INPP5D: variants seen among roughly 807,000 people sequenced by gnomAD.
The protein encoded by INPP5D is inositol polyphosphate-5-phosphatase D.
A neutral mutation model predicts 122.9 loss-of-function variants in INPP5D; 33 were observed. The ratio of observed to expected loss-of-function variants is 0.27; its 90% CI spans 0.20 to 0.36. The LOEUF is 0.36. Among genes scored for constraint, INPP5D ranks in the 10% least tolerant of loss-of-function variants. The pLI is 1.00. For missense variants in INPP5D, 1,053 were observed against 1,412.7 expected (o/e 0.75, Z 4.08); for synonymous variants, 584 against 576.2 (o/e 1.01, Z -0.19).
At chr2:233,093,903 G>A (rs1004648672) in intron 2 of INPP5D, among the ~76,000 whole-genome samples, 3 of 152,090 alleles carry the variant, frequency 2.0e-5, no homozygotes, top group South Asian at 2.1e-4. Flanking sequence ...AGAAGAACAC[G>A]CTATGCATGC....
chr2:233,197,278 T>C lies in INPP5D; in HGVS notation c.2694-817T>C, dbSNP rs1428877633. On this transcript the variant is annotated intron_variant, in intron 24 of 26. Transcript: ENST00000445964. This position sits in a 1 kb window ranked among gnomAD's most constrained non-coding sequence, Gnocchi z 4.4. ...GCCTGGGTCTGGGCCATCCCCTCCATAGCTTTAAGCTGATTGCCCCCAATT... is the reference window on the plus strand; with the variant it reads ...GCCTGGGTCTGGGCCATCCCCTCCACAGCTTTAAGCTGATTGCCCCCAATT... 6.6e-6 allele frequency among the ~76,000 whole-genome samples: 1 copy of C among 152,212 alleles called. No homozygotes were observed. The highest frequency in any genetic ancestry group is 1.5e-5 in the Non-Finnish European group (1 of 68,040).
intron 11 of INPP5D, among the ~76,000 whole-genome samples, chr2:233,162,847 T>C (rs923997097): frequency 2.6e-4 from 39 of 152,130 alleles, no homozygotes; most frequent in Non-Finnish European, 1.5e-5. Flanking sequence ...TTCGGTCCCT[T>C]TCAGTGTTTC....
chr2:233,105,269 C>G lies in INPP5D; in HGVS notation c.199-16838C>G, dbSNP rs139755896. On this transcript the variant is annotated intron_variant, in intron 2 of 26. Transcript: ENST00000445964. The surrounding 1 kb of genome is among the most constrained non-coding windows in gnomAD (Gnocchi z 4.0). Reference sequence around the variant, plus strand: ...CAGCAGCTGCGCTCTCTGTAAGAACCTGGCTATGGTTGGAAACCGTCATTT... The same window carrying G: ...CAGCAGCTGCGCTCTCTGTAAGAACGTGGCTATGGTTGGAAACCGTCATTT... Among the ~76,000 whole-genome samples the G allele has an allele frequency of 6.7e-4, 102 of 152,342 alleles. 1 individual carries two copies. Among genetic ancestry groups the G allele is most frequent in the African/African-American group, 2.2e-3 (92 of 41,590 alleles).
chr2:233,114,908 C>T (rs1692742815), intron 2 of INPP5D, among the ~76,000 whole-genome samples: 2 of 151,874 alleles, frequency 1.3e-5, no homozygotes, highest in South Asian at 4.1e-4. Context: ...GCTCTTGTCA[C>T]CCAGGCTGGA....
At position 233,160,220 on chromosome 2, in the gene INPP5D, T is replaced by C. The variant is rs1694167119; in HGVS notation, c.1138-1504T>C. On this transcript the variant is annotated intron_variant, in intron 10 of 26. Coordinates refer to ENST00000445964, the MANE Select transcript of INPP5D (RefSeq NM_001017915.3). This position sits in a 1 kb window ranked among gnomAD's most constrained non-coding sequence, Gnocchi z 4.2. Reference sequence around the variant, plus strand: ...GATTTGCAATTATAAGGTTGAATCATGTAAAATTTCTGTCTTTGCAGGTTG... The same window carrying C: ...GATTTGCAATTATAAGGTTGAATCACGTAAAATTTCTGTCTTTGCAGGTTG... 1.3e-5 allele frequency among the ~76,000 whole-genome samples: 2 copies of C among 152,248 alleles called. No individual in the cohort carries two copies. Among genetic ancestry groups the C allele is most frequent in the South Asian group, 4.1e-4 (2 of 4,830 alleles).
Position 233,166,176 on chromosome 2 carries a change from G to A in INPP5D, c.1555+1752G>A, listed in dbSNP as rs905812021. ...CCTCCTGCTGCCCAGCAACCGCCCCGGGTGTGGATTCCATCGCTCCCTGGG... is the reference window on the plus strand; with the variant it reads ...CCTCCTGCTGCCCAGCAACCGCCCCAGGTGTGGATTCCATCGCTCCCTGGG... On this transcript the variant is annotated intron_variant, in intron 13 of 26. Coordinates refer to ENST00000445964, the MANE Select transcript of INPP5D (RefSeq NM_001017915.3). Among the ~76,000 whole-genome samples, 7 of 152,248 alleles carry A rather than the reference G, an allele frequency of 4.6e-5. No individual in the cohort carries two copies. The East Asian group carries it at 5.8e-4, about 13-fold the overall frequency.
intron 1 of INPP5D, among the ~76,000 whole-genome samples, chr2:233,069,323 T>C (rs906277542): frequency 2.6e-5 from 4 of 152,188 alleles, no homozygotes; most frequent in African/African-American, 9.7e-5. Context: ...ATAGATCTGA[T>C]AAACAGCAAT....
At chr2:233,065,190 G>C (rs1691177447) in intron 1 of INPP5D, among the ~76,000 whole-genome samples, 2 of 152,114 alleles carry the variant, frequency 1.3e-5, no homozygotes, top group Admixed American at 6.5e-5. Flanking sequence ...CCTACGCTCA[G>C]CCCCCGTGAA....
intron 1 of INPP5D, among the ~76,000 whole-genome samples, chr2:233,069,642 A>C (rs55666901): frequency 1.3e-4 from 20 of 152,310 alleles, no homozygotes; most frequent in Admixed American, 4.6e-4. Flanking sequence ...TAGCAGCATT[A>C]GCATTTTCCC....
At chr2:233,149,592 C>T (rs963012676) in intron 9 of INPP5D, among the ~76,000 whole-genome samples, 3 of 152,136 alleles carry the variant, frequency 2.0e-5, no homozygotes, top group African/African-American at 7.2e-5. Flanking sequence ...GAGGGTCCTT[C>T]CTGCACCTGC....
At position 233,206,955 on chromosome 2, in the gene INPP5D, G is replaced by A. The variant is rs1485673474; in HGVS notation, c.*247G>A. The A allele has an allele frequency of 1.2e-5, 6 of 496,560 alleles. No individual in the cohort carries two copies. Among genetic ancestry groups the A allele is most frequent in the African/African-American group, 2.0e-5 (1 of 50,382 alleles). 30.8% of individuals were successfully genotyped at this position (496,560 alleles called of 1,614,324 possible). ...AACAAACAGTCTGGGTCCCCAGCTC[G>A]CTCTTGGTACTTGGGACCCCAGTGC... On this transcript the variant is annotated 3_prime_UTR_variant, in exon 27 of 27. Coordinates refer to ENST00000445964, the MANE Select transcript of INPP5D (RefSeq NM_001017915.3). The surrounding 1 kb of genome is among the most constrained non-coding windows in gnomAD (Gnocchi z 4.0).
chr2:233,109,949 A>G (rs1464767981), intron 2 of INPP5D, among the ~76,000 whole-genome samples: 1 of 151,538 alleles, frequency 6.6e-6, no homozygotes, highest in Non-Finnish European at 1.5e-5. Flanking sequence ...TAGGAGCACA[A>G]TCTTGGTTCA....
rs1329445935 is a variant in INPP5D, at chr2:233,142,886, C to T, written c.753+2957C>T. 3.9e-5 allele frequency among the ~76,000 whole-genome samples: 6 copies of T among 152,172 alleles called. No homozygotes were observed. In the South Asian group the frequency reaches 1.0e-3, roughly 26 times the overall value. On this transcript the variant is annotated intron_variant, in intron 6 of 26. Coordinates refer to ENST00000445964, the MANE Select transcript of INPP5D (RefSeq NM_001017915.3). ...CTGGATTGTTCTCTGTCGTGGAGGA[C>T]TCCTGTGCACTCTAGGAGTCCTCCA...
chr2:233,101,256 A>G (rs1692303939), intron 2 of INPP5D, among the ~76,000 whole-genome samples: 1 of 152,078 alleles, frequency 6.6e-6, no homozygotes, highest in South Asian at 2.1e-4. Context: ...CTCCCACCAG[A>G]GTGGCTGCAT....
At position 233,121,927 on chromosome 2, in the gene INPP5D, G is replaced by C. The variant is rs555302967; in HGVS notation, c.199-180G>C. ...TTTTGCAGAAGGGCCCTTGGCAGCT[G>C]CTGGTTGCAGGATGTGAGGTGTGGG... On this transcript the variant is annotated intron_variant, in intron 2 of 26. Transcript: ENST00000445964. Among the ~76,000 whole-genome samples the C allele has an allele frequency of 2.0e-5, 3 of 152,316 alleles. No individual in the cohort carries two copies. In the South Asian group the frequency reaches 6.2e-4, roughly 32 times the overall value.
At chr2:233,204,775 CGTAT>C (rs1387437608) in intron 26 of INPP5D, 58 bp downstream of exon 26, 137 of 1,416,122 alleles carry the variant, frequency 9.7e-5, no homozygotes, top group Non-Finnish European at 1.2e-4. Context: ...TGCGTGAGTG[CGTAT>C]GTGTGTACCT....
chr2:233,064,473 G>A (rs757613744), intron 1 of INPP5D, among the ~76,000 whole-genome samples: 2 of 152,210 alleles, frequency 1.3e-5, no homozygotes, highest in East Asian at 1.9e-4. Flanking sequence ...AACCTGCTCC[G>A]CCTAATAACA....
Position 233,198,511 on chromosome 2 carries a change from C to T in INPP5D, c.2975+135C>T, listed in dbSNP as rs948368327. 5.1e-6 allele frequency: 7 copies of T among 1,367,140 alleles called. No individual in the cohort carries two copies. The African/African-American group carries it at 8.8e-5, about 17-fold the overall frequency. The allele number at this position is 1,367,140 out of a possible 1,614,324, so 84.7% of individuals were successfully genotyped here. On this transcript the variant is annotated intron_variant, in intron 25 of 26. Transcript: ENST00000445964. Reference sequence around the variant, plus strand: ...CTTGGCTCATGACTTATCCCTGGGGCCTGAACACAGCAGGCCCCTGACATG... The same window carrying T: ...CTTGGCTCATGACTTATCCCTGGGGTCTGAACACAGCAGGCCCCTGACATG...
rs1007742978 is a variant in INPP5D at position 233,164,186 on chromosome 2, T to A, written c.1438-121T>A. ...GCATCGCTGGGAGTCCCCCGAAGGG[T>A]TGGGATTACAGACAGGATACCCCAT... On this transcript the variant is annotated intron_variant, in intron 12 of 26. Coordinates refer to ENST00000445964, the MANE Select transcript of INPP5D (RefSeq NM_001017915.3). This position sits in a 1 kb window ranked among gnomAD's most constrained non-coding sequence, Gnocchi z 4.3. 8.3e-6 allele frequency: 12 copies of A among 1,441,056 alleles called. No homozygotes were observed. The African/African-American group carries it at 1.7e-4, about 21-fold the overall frequency. 89.3% of individuals were successfully genotyped at this position (1,441,056 alleles called of 1,614,324 possible).
Sources: gnomAD v4.1 joint callset for allele counts (sites outside exome capture counted in the v4.1 genomes callset) on GRCh38, gnomAD v4.1.1 for gene constraint, Gnocchi (gnomAD v3.1) non-coding constraint, MANE v1.5 for transcripts, NCBI Gene and HGNC (gene_info 2026-07-23, HGNC 2026-07-21) for gene names.